The following SYT10 variants were observed in gnomAD, a reference collection of about 807,000 sequenced individuals.
SYT10 encodes synaptotagmin 10.
SYT10 carries 31 observed loss-of-function variants against 51.1 expected under a neutral mutation model. The observed-to-expected ratio is 0.61, with a 90% CI of 0.46 to 0.82. SYT10 has a LOEUF of 0.82. SYT10 is among the 40% of genes least tolerant of loss of function. The pLI is 0.00. For missense variants in SYT10, 603 were observed against 634.0 expected, an observed-to-expected ratio of 0.95 and a Z score of 0.53; for synonymous variants, 233 against 225.9, an observed-to-expected ratio of 1.03 and a Z score of -0.28.
intron 1 of SYT10, among the ~76,000 whole-genome samples, chr12:33,435,952 AGTCCC>A: frequency 6.6e-6 from 1 of 152,220 alleles, no homozygotes; most frequent in South Asian, 2.1e-4. Flanking sequence ...TAGAATTTTT[AGTCCC>A]AAATTAAAAT....
chr12:33,389,314 G>A (rs755561839), intron 3 of SYT10, among the ~76,000 whole-genome samples: 2 of 152,016 alleles, frequency 1.3e-5, no homozygotes, highest in Non-Finnish European at 1.5e-5. Flanking sequence ...AATCTTCCAC[G>A]TTCTATTCCC....
intron 2 of SYT10, 46 bp downstream of exon 2, chr12:33,426,092 A>ACACACG: frequency 6.7e-7 from 1 of 1,498,168 alleles, no homozygotes. Context: ...ACACACACAC[A>ACACACG]CACACACGCA....
At chr12:33,419,374 A>G (rs1174711832) in intron 2 of SYT10, among the ~76,000 whole-genome samples, 1 of 152,134 alleles carries the variant, frequency 6.6e-6, no homozygotes, top group East Asian at 1.9e-4. Flanking sequence ...AATAAAGAAA[A>G]TATTTTCTCT....
chr12:33,429,059 A>G (rs1329684151), intron 1 of SYT10, among the ~76,000 whole-genome samples: 1 of 152,192 alleles, frequency 6.6e-6, no homozygotes, highest in Non-Finnish European at 1.5e-5. Flanking sequence ...TAGGATTTGC[A>G]ATACTTCAGC....
rs748526182 is a variant in SYT10, at chr12:33,379,873, A to G, written c.1459T>C (p.Tyr487His). ...GRDHWNEMLA[Y>H]HRKPITHWHP... ...CAGTGCGTTATTGGTTTTCGATGAT[A>G]GGCCAGCATTTCATTCCAGTGGTCT... is the stretch of plus-strand genomic sequence containing the variant. The change falls in exon 6 of 7, where the codon TAT becomes CAT. Residue 487 changes from tyrosine to histidine, a missense_variant. By Grantham distance (83) the Tyr-to-His change is moderately conservative (BLOSUM62 2). Transcript: ENST00000228567. The G allele has an allele frequency of 6.2e-7, 1 of 1,614,026 alleles. No homozygotes were observed. Among genetic ancestry groups the G allele is most frequent in the Non-Finnish European group, 8.5e-7 (1 of 1,179,948 alleles).
intron 2 of SYT10, among the ~76,000 whole-genome samples, chr12:33,414,302 A>C (rs1231940329): frequency 6.6e-6 from 1 of 152,226 alleles, no homozygotes; most frequent in Non-Finnish European, 1.5e-5. Flanking sequence ...AAGGATATCC[A>C]GGAATTGAAC....
At chr12:33,395,280 G>A (rs1204488296) in intron 3 of SYT10, among the ~76,000 whole-genome samples, 4 of 152,220 alleles carry the variant, frequency 2.6e-5, no homozygotes, top group Non-Finnish European at 5.9e-5. Context: ...AATGCAGCCT[G>A]TTACAGAGGA....
At chr12:33,379,484 T>C (rs1051741671) in intron 6 of SYT10, among the ~76,000 whole-genome samples, 8 of 144,996 alleles carry the variant, frequency 5.5e-5, no homozygotes, top group South Asian at 2.1e-4. Context: ...AAAAATGCAG[T>C]TTCCAGTTAG....
At chr12:33,398,481 C>G (rs1866276480) in intron 3 of SYT10, among the ~76,000 whole-genome samples, 1 of 152,106 alleles carries the variant, frequency 6.6e-6, no homozygotes, top group Non-Finnish European at 1.5e-5. Context: ...CCACTGCACT[C>G]CAGCTTGGGT....
intron 3 of SYT10, chr12:33,404,994 C>A (rs1866340154): frequency 6.6e-6 from 1 of 151,706 alleles, no homozygotes; most frequent in South Asian, 2.1e-4. Flanking sequence ...TAAGTAGAAC[C>A]AGTTTGGAAA....
At chr12:33,413,286 C>T (rs1486383824) in intron 2 of SYT10, among the ~76,000 whole-genome samples, 1 of 152,108 alleles carries the variant, frequency 6.6e-6, no homozygotes, top group Admixed American at 6.5e-5. Context: ...AGAACTTCCC[C>T]AATCTAGCAA....
intron 2 of SYT10, among the ~76,000 whole-genome samples, chr12:33,417,174 A>G (rs1866461629): frequency 6.6e-6 from 1 of 152,188 alleles, no homozygotes; most frequent in African/African-American, 2.4e-5. Flanking sequence ...TTAATCCCTG[A>G]TGTGGCAGTA....
chr12:33,381,753 G>GT (rs1202950916), intron 5 of SYT10, among the ~76,000 whole-genome samples: 1 of 152,072 alleles, frequency 6.6e-6, no homozygotes, highest in African/African-American at 2.4e-5. Context: ...AGGTTGCAAT[G>GT]TTTTCATGAA....
intron 3 of SYT10, among the ~76,000 whole-genome samples, chr12:33,403,032 T>C (rs1460484275): frequency 2.0e-5 from 3 of 152,066 alleles, no homozygotes; most frequent in African/African-American, 2.4e-5. Flanking sequence ...TTCAAACTGA[T>C]AGCAAAATGG....
intron 2 of SYT10, 62 bp downstream of exon 2, chr12:33,426,062 TCACACACACACACA>T (rs3046353): frequency 4.1e-5 from 49 of 1,205,924 alleles, no homozygotes; most frequent in East Asian, 1.0e-4. Context: ...TTATGAAATT[TCACACACACACACA>T]CACACACACA....
intron 3 of SYT10, among the ~76,000 whole-genome samples, chr12:33,403,233 C>CTT (rs36045526): frequency 1.0e-4 from 13 of 127,668 alleles, no homozygotes; most frequent in Non-Finnish European, 1.5e-4. Flanking sequence ...ATCTGATAGT[C>CTT]TTTTTTTTTT....
At chr12:33,428,336 T>A (rs1180759134) in intron 1 of SYT10, among the ~76,000 whole-genome samples, 5 of 152,086 alleles carry the variant, frequency 3.3e-5, no homozygotes, top group African/African-American at 1.2e-4. Flanking sequence ...CTCAACAGAA[T>A]CCTGAGTACA....
chr12:33,421,650 T>C (rs1866505957), intron 2 of SYT10, among the ~76,000 whole-genome samples: 3 of 152,108 alleles, frequency 2.0e-5, no homozygotes, highest in Admixed American at 6.6e-5. Flanking sequence ...AGTGGTGGAA[T>C]AGGAGGGCAT....
chr12:33,419,662 A>G (rs1416131635), intron 2 of SYT10, among the ~76,000 whole-genome samples: 1 of 152,092 alleles, frequency 6.6e-6, no homozygotes, highest in Non-Finnish European at 1.5e-5. Context: ...ACTTACCTTG[A>G]CTTCTCTCCA....
Sources: gnomAD v4.1 joint callset for allele counts (sites outside exome capture counted in the v4.1 genomes callset) on GRCh38, gnomAD v4.1.1 for gene constraint, MANE v1.5 for transcripts, NCBI Gene and HGNC (gene_info 2026-07-23, HGNC 2026-07-21) for gene names.